SPON2: variants seen among roughly 807,000 people sequenced by gnomAD.
The protein encoded by SPON2 is spondin-2.
A neutral mutation model predicts 29.9 loss-of-function variants in SPON2; 32 were observed. That is an observed-to-expected ratio of 1.07 (90% CI 0.81 to 1.44). The LOEUF is 1.44. Among genes scored for constraint, SPON2 ranks in the 40% most tolerant of loss-of-function variants. The pLI, the probability that SPON2 is intolerant of heterozygous loss-of-function variation, is 0.00. For synonymous variants in SPON2, 248 were observed against 209.1 expected, an observed-to-expected ratio of 1.19 and a Z score of -1.61; for missense variants, 541 against 455.5, an observed-to-expected ratio of 1.19 and a Z score of -1.71.
chr4:1,172,342 C>G (rs891537014), intron 1 of SPON2: 13 of 556,988 alleles, frequency 2.3e-5, no homozygotes, highest in Non-Finnish European at 3.8e-5. Context: ...CCGGGCCGGT[C>G]TGGGTGCGGC....
At chr4:1,175,648 A>G (rs1353515765), upstream of SPON2, among the ~76,000 whole-genome samples, 1 of 144,306 alleles carries the variant, frequency 6.9e-6, no homozygotes, top group African/African-American at 2.6e-5. Flanking sequence ...TGTGGGTGGT[A>G]GTAGGCCCAG....
At chr4:1,186,478 T>C (rs1180112374) in intron 1 of SPON2, among the ~76,000 whole-genome samples, 1 of 152,062 alleles carries the variant, frequency 6.6e-6, no homozygotes, top group Non-Finnish European at 1.5e-5. Flanking sequence ...TAATTTTTTG[T>C]ATTTTAGTAG....
chr4:1,176,589 ACATT>A (rs566395114), upstream of SPON2, among the ~76,000 whole-genome samples: 1 of 112,278 alleles, frequency 8.9e-6, no homozygotes, highest in African/African-American at 4.2e-5. Flanking sequence ...TTCACACAGT[ACATT>A]CAATCATCCA....
At chr4:1,175,328 G>A (rs1193640872), upstream of SPON2, among the ~76,000 whole-genome samples, 3 of 152,238 alleles carry the variant, frequency 2.0e-5, no homozygotes, top group Non-Finnish European at 4.4e-5. Flanking sequence ...GGCCGTGGCA[G>A]CGGCTTCCAG....
At chr4:1,168,821 C>T (rs946977036) in intron 5 of SPON2, among the ~76,000 whole-genome samples, 5 of 152,214 alleles carry the variant, frequency 3.3e-5, no homozygotes, top group African/African-American at 1.2e-4. Flanking sequence ...AGGCATCCAG[C>T]GTGTGAGCAG....
upstream of SPON2, among the ~76,000 whole-genome samples, chr4:1,174,094 GGA>G: frequency 6.6e-6 from 1 of 152,304 alleles, no homozygotes; most frequent in Admixed American, 6.5e-5. Flanking sequence ...CAACTAGTCA[GGA>G]GACTGTGTCT....
chr4:1,207,696 T>A (rs1728379326), intron 1 of SPON2, among the ~76,000 whole-genome samples: 1 of 152,154 alleles, frequency 6.6e-6, no homozygotes, highest in Admixed American at 6.5e-5. Context: ...TCCGGCTGCC[T>A]AACCATGCGC....
chr4:1,180,639 A>G (rs1366229696), intron 1 of SPON2, among the ~76,000 whole-genome samples: 1 of 152,246 alleles, frequency 6.6e-6, no homozygotes, highest in Non-Finnish European at 1.5e-5. Context: ...AATAATTTAA[A>G]GTATAAGAGT....
chr4:1,176,029 A>G (rs145026306), upstream of SPON2, among the ~76,000 whole-genome samples: 21 of 152,218 alleles, frequency 1.4e-4, no homozygotes, highest in South Asian at 8.3e-4. Context: ...AGAGGGGGAC[A>G]TGGGAGAACT....
At chr4:1,204,217 T>G (rs1324113287) in intron 1 of SPON2, among the ~76,000 whole-genome samples, 1 of 152,252 alleles carries the variant, frequency 6.6e-6, no homozygotes, top group East Asian at 1.9e-4. Flanking sequence ...ATCTTTGTAT[T>G]GCTGAGCTGT....
At chr4:1,194,504 C>T (rs1010942372) in intron 1 of SPON2, among the ~76,000 whole-genome samples, 2 of 152,140 alleles carry the variant, frequency 1.3e-5, no homozygotes, top group Non-Finnish European at 2.9e-5. Context: ...TAGCGCAGGC[C>T]GCAGGCAGGG....
chr4:1,167,367 A>C lies in SPON2; in HGVS notation c.*105T>G, dbSNP rs998768638. ...GCGCGGCCTCACCGCGGTCAGGAGC[A>C]GCGCGAAACCCCCTGTGCCCTCGGC... is the stretch of plus-strand genomic sequence containing the variant. On this transcript the variant is annotated 3_prime_UTR_variant, in exon 6 of 6. Coordinates refer to ENST00000290902, the MANE Select transcript of SPON2 (RefSeq NM_012445.4). 6.5e-6 allele frequency: 8 copies of C among 1,237,594 alleles called. No individual in the cohort carries two copies. The East Asian group carries it at 1.4e-4, about 22-fold the overall frequency. 76.7% of individuals were successfully genotyped at this position (1,237,594 alleles called of 1,614,324 possible).
At chr4:1,198,491 AAG>A (rs1245218906), upstream of SPON2, among the ~76,000 whole-genome samples, 1 of 152,248 alleles carries the variant, frequency 6.6e-6, no homozygotes, top group African/African-American at 2.4e-5. Context: ...GTGGAACAAA[AAG>A]AGAAAACCAT....
intron 1 of SPON2, among the ~76,000 whole-genome samples, chr4:1,189,654 A>AAAG (rs1727868145): frequency 6.7e-6 from 1 of 149,210 alleles, no homozygotes; most frequent in East Asian, 2.0e-4. Flanking sequence ...AAAAAAAAAA[A>AAAG]AAAAGAAAGA....
At position 1,185,508 on chromosome 4, in the gene SPON2, C is replaced by G. The variant is rs1212061544; in HGVS notation, c.-238-5967G>C. The stretch of plus-strand genomic sequence containing the variant: ...GGATCACCTGAGGTCGGGAGTTCCA[C>G]ACCAGCCTGGCCAACATGGTGAAAC... On this transcript the variant is annotated intron_variant, in intron 1 of 3. Coordinates refer to the SPON2 transcript ENST00000502483. Among the ~76,000 whole-genome samples, 15 of 151,206 alleles carry G rather than the reference C, an allele frequency of 9.9e-5. No individual in the cohort carries two copies. In the East Asian group the frequency reaches 2.8e-3, roughly 29 times the overall value.
At chr4:1,201,741 C>T (rs1728213447) in intron 1 of SPON2, among the ~76,000 whole-genome samples, 1 of 152,084 alleles carries the variant, frequency 6.6e-6, no homozygotes, top group Non-Finnish European at 1.5e-5. Context: ...GGTTGCCACG[C>T]CCGGCTAATT....
exon 1 of SPON2, chr4:1,207,907 G>GAACACCCACGCCCTGGCCGGGC (rs1182850561): frequency 6.5e-6 from 1 of 152,824 alleles, no homozygotes; most frequent in Non-Finnish European, 1.5e-5. Flanking sequence ...AGGGGCCGGG[G>GAACACCCACGCCCTGGCCGGGC]AACACCCACG....
upstream of SPON2, among the ~76,000 whole-genome samples, chr4:1,195,368 G>T (rs1728042084): frequency 6.6e-6 from 1 of 152,104 alleles, no homozygotes; most frequent in South Asian, 2.1e-4. Context: ...TGGCCCGTCG[G>T]TGGGCGCATC....
At chr4:1,187,929 C>G (rs1012782708) in intron 1 of SPON2, among the ~76,000 whole-genome samples, 2 of 151,978 alleles carry the variant, frequency 1.3e-5, no homozygotes, top group African/African-American at 4.8e-5. Flanking sequence ...AGGCCAGGCA[C>G]AGCAACACAC....
Sources: gnomAD v4.1 joint callset for allele counts (sites outside exome capture counted in the v4.1 genomes callset) on GRCh38, gnomAD v4.1.1 for gene constraint, MANE v1.5 for transcripts, NCBI Gene and HGNC (gene_info 2026-07-23, HGNC 2026-07-21) for gene names.